SLC14A2: variants seen among roughly 807,000 people sequenced by gnomAD.
SLC14A2 encodes the protein urea transporter 2.
A neutral mutation model predicts 104.6 loss-of-function variants in SLC14A2; 91 were observed. The observed-to-expected ratio is 0.87, with a 90% CI of 0.73 to 1.04. SLC14A2 has a LOEUF of 1.04. Ranked by LOEUF, SLC14A2 falls within the 50% of genes least tolerant of loss-of-function variation. SLC14A2 has a pLI of 0.00. For missense variants in SLC14A2, 1,189 were observed against 1,156.0 expected, an observed-to-expected ratio of 1.03 and a Z score of -0.41; for synonymous variants, 476 against 466.4, an observed-to-expected ratio of 1.02 and a Z score of -0.27.
At chr18:45,642,364 G>A (rs2045543270) in intron 8 of SLC14A2, among the ~76,000 whole-genome samples, 1 of 152,220 alleles carries the variant, frequency 6.6e-6, no homozygotes, top group African/African-American at 2.4e-5. Context: ...TTGAGGTTCA[G>A]ACCGTAACTG....
chr18:45,371,612 G>T (rs1051171179), intron 1 of SLC14A2, among the ~76,000 whole-genome samples: 3 of 152,066 alleles, frequency 2.0e-5, no homozygotes, highest in Non-Finnish European at 4.4e-5. Flanking sequence ...TACAAACGTT[G>T]GTCTTTCTGA....
At chr18:45,237,689 A>G (rs1168978998) in intron 1 of SLC14A2, among the ~76,000 whole-genome samples, 1 of 152,218 alleles carries the variant, frequency 6.6e-6, no homozygotes, top group Non-Finnish European at 1.5e-5. Context: ...GCCCTTAGGC[A>G]CAGTTCTGAA....
chr18:45,220,855 T>A (rs571875528), intron 1 of SLC14A2, among the ~76,000 whole-genome samples: 2 of 152,332 alleles, frequency 1.3e-5, no homozygotes, highest in African/African-American at 4.8e-5. Flanking sequence ...CAAAATTGGT[T>A]TCTCCTGAGG....
At chr18:45,422,779 G>A (rs1235548675) in intron 1 of SLC14A2, among the ~76,000 whole-genome samples, 4 of 152,144 alleles carry the variant, frequency 2.6e-5, no homozygotes, top group Non-Finnish European at 4.4e-5. Flanking sequence ...GCTTTTATAG[G>A]CCACCTCTCT....
intron 2 of SLC14A2, among the ~76,000 whole-genome samples, chr18:45,625,140 G>A (rs998789561): frequency 6.6e-5 from 10 of 152,146 alleles, no homozygotes; most frequent in African/African-American, 2.4e-4. Flanking sequence ...CAGGCCATTA[G>A]CATCCTCGGT....
chr18:45,328,057 C>T (rs2085253644), intron 1 of SLC14A2, among the ~76,000 whole-genome samples: 1 of 151,994 alleles, frequency 6.6e-6, no homozygotes, highest in South Asian at 2.1e-4. Context: ...GCCCTCTTGG[C>T]AACTGAAAAA....
At chr18:45,604,454 C>G (rs1416408812) in intron 2 of SLC14A2, among the ~76,000 whole-genome samples, 1 of 152,150 alleles carries the variant, frequency 6.6e-6, no homozygotes, top group African/African-American at 2.4e-5. Context: ...GCAGTCTACT[C>G]CTTTAAAACC....
At chr18:45,508,729 G>A (rs565741652) in intron 2 of SLC14A2, among the ~76,000 whole-genome samples, 3 of 152,272 alleles carry the variant, frequency 2.0e-5, no homozygotes, top group African/African-American at 7.2e-5. Flanking sequence ...CCTCCATTCT[G>A]ATGGGCCACT....
chr18:45,224,689 CTGT>C (rs2084096612), intron 1 of SLC14A2, among the ~76,000 whole-genome samples: 2 of 152,180 alleles, frequency 1.3e-5, no homozygotes, highest in Non-Finnish European at 1.5e-5. Context: ...GCATAGAACA[CTGT>C]TGTTCCTATA....
At chr18:45,445,616 A>G (rs564124300) in intron 1 of SLC14A2, among the ~76,000 whole-genome samples, 1 of 152,352 alleles carries the variant, frequency 6.6e-6, no homozygotes, top group South Asian at 2.1e-4. Context: ...AACCTAGCTC[A>G]TAGGAATGAT....
In SLC14A2 at chr18:45,268,964, T is replaced by TTGTGTGTGTGTGTGTGTGTG. The variant is rs3050837; in HGVS notation, c.-125+55777_-125+55796dup. 8.4e-3 allele frequency among the ~76,000 whole-genome samples: 1,199 copies of TTGTGTGTGTGTGTGTGTGTG among 143,528 alleles called. 17 individuals carry two copies. The highest frequency in any genetic ancestry group is 0.038 in the East Asian group (184 of 4,894). 94.2% of individuals were successfully genotyped at this position (143,528 alleles called of 152,430 possible). A position where few individuals can be genotyped will look rare whatever the true frequency, so the allele number is the denominator to read the frequency against. On this transcript the variant is annotated intron_variant, in intron 1 of 20. Transcript: ENST00000586448. ...TGCCTCCTTTATGCTGTTGGTGTGT[T>TTGTGTGTGTGTGTGTGTGTG]TGTGTGTGTGTGTGTGTGTGTGTAC...
At chr18:45,628,262 G>A (rs931879061) in intron 4 of SLC14A2, among the ~76,000 whole-genome samples, 4 of 151,912 alleles carry the variant, frequency 2.6e-5, no homozygotes, top group African/African-American at 9.7e-5. Flanking sequence ...TGGCCAATAT[G>A]GTGAAACCCC....
chr18:45,602,428 G>GAGCAAAGATTACAGA (rs2044804079), intron 2 of SLC14A2, among the ~76,000 whole-genome samples: 1 of 152,152 alleles, frequency 6.6e-6, no homozygotes, highest in African/African-American at 2.4e-5. Flanking sequence ...AAGGAGGCAG[G>GAGCAAAGATTACAGA]AGCAAAGATT....
At chr18:45,262,580 T>A (rs1433144087) in intron 1 of SLC14A2, among the ~76,000 whole-genome samples, 2 of 152,116 alleles carry the variant, frequency 1.3e-5, no homozygotes, top group African/African-American at 4.8e-5. Flanking sequence ...GACCAACTTT[T>A]TCAAGGTCAT....
chr18:45,342,773 A>T (rs563400717), intron 1 of SLC14A2, among the ~76,000 whole-genome samples: 1 of 152,206 alleles, frequency 6.6e-6, no homozygotes, highest in Non-Finnish European at 1.5e-5. Context: ...ATCATGAATT[A>T]TTCCTAACGT....
chr18:45,606,744 AAAACAAAACAAAAAC>A (rs201028620), intron 2 of SLC14A2, among the ~76,000 whole-genome samples: 3,509 of 65,820 alleles, frequency 0.053, 113 homozygotes, highest in African/African-American at 0.12. Flanking sequence ...TAAAAAAAAA[AAAACAAAACAAAAAC>A]AAAAAAAAAA....
At chr18:45,655,214 A>C (rs975437636) in intron 10 of SLC14A2, among the ~76,000 whole-genome samples, 2 of 152,314 alleles carry the variant, frequency 1.3e-5, no homozygotes. Context: ...ATGTGTCTGG[A>C]AGACAAATAG....
chr18:45,486,102 T>G (rs1364449574), intron 2 of SLC14A2, among the ~76,000 whole-genome samples: 1 of 152,084 alleles, frequency 6.6e-6, no homozygotes, highest in East Asian at 1.9e-4. Flanking sequence ...TCTAGATAAG[T>G]GTGGAAGAAA....
intron 2 of SLC14A2, among the ~76,000 whole-genome samples, chr18:45,586,345 T>G (rs2044567060): frequency 6.6e-6 from 1 of 151,914 alleles, no homozygotes; most frequent in Non-Finnish European, 1.5e-5. Context: ...GTCAGTGTAG[T>G]GAGGAGTGGG....
Sources: gnomAD v4.1 joint callset for allele counts (sites outside exome capture counted in the v4.1 genomes callset) on GRCh38, gnomAD v4.1.1 for gene constraint, MANE v1.5 for transcripts, NCBI Gene and HGNC (gene_info 2026-07-23, HGNC 2026-07-21) for gene names.